SLCO1C1: variants seen among roughly 807,000 people sequenced by gnomAD.
SLCO1C1 encodes the protein OAT-RP-5.
SLCO1C1 carries 70 observed loss-of-function variants against 76.4 expected under a neutral mutation model. That is an observed-to-expected ratio of 0.92 (90% CI 0.76 to 1.12). The LOEUF (loss-of-function observed/expected upper bound fraction) is 1.12, where lower values mean the gene tolerates loss of function less well. Ranked by LOEUF, SLCO1C1 falls within the 50% of genes most tolerant of loss-of-function variation. SLCO1C1 has a pLI of 0.00. For missense variants in SLCO1C1, 912 were observed against 823.8 expected (o/e 1.11, Z -1.31); for synonymous variants, 306 against 286.1 (o/e 1.07, Z -0.70).
At chr12:20,701,276 C>G (rs370761629) in intron 2 of SLCO1C1, 42 bp from the exon 3 acceptor site, 1 of 1,421,738 alleles carries the variant, frequency 7.0e-7, no homozygotes, top group Non-Finnish European at 9.3e-7. Flanking sequence ...AATTGTGTGT[C>G]AAGCTGGAGT....
At chr12:20,711,145 T>C (rs1448046418) in intron 4 of SLCO1C1, among the ~76,000 whole-genome samples, 2 of 152,218 alleles carry the variant, frequency 1.3e-5, no homozygotes, top group East Asian at 1.9e-4. Flanking sequence ...CAAGGCCATC[T>C]TGGGCCACAT....
At chr12:20,705,913 T>A (rs1175822014) in intron 3 of SLCO1C1, 36 bp from the exon 4 acceptor site, 1 of 1,604,322 alleles carries the variant, frequency 6.2e-7, no homozygotes, top group South Asian at 1.1e-5. Flanking sequence ...CTTTCTAAGT[T>A]CTCTAATTTA....
chr12:20,719,666 A>G (rs929201138), intron 7 of SLCO1C1, among the ~76,000 whole-genome samples: 2 of 152,212 alleles, frequency 1.3e-5, no homozygotes, highest in African/African-American at 4.8e-5. Context: ...ATTCAGAACA[A>G]GGCCTAACCC....
At chr12:20,721,756 T>C (rs1228523626) in intron 7 of SLCO1C1, 48 bp from the exon 8 acceptor site, 3 of 1,587,270 alleles carry the variant, frequency 1.9e-6, no homozygotes, top group Middle Eastern at 1.7e-4. Context: ...TATTTTAACA[T>C]ATTAGCTTTG....
intron 1 of SLCO1C1, among the ~76,000 whole-genome samples, chr12:20,698,339 A>G (rs1340047753): frequency 6.6e-6 from 1 of 152,066 alleles, no homozygotes; most frequent in Non-Finnish European, 1.5e-5. Context: ...AAAGCCTAAT[A>G]ATAATTTTTT....
In SLCO1C1 at chr12:20,701,337, C is replaced by G. The variant is rs1946516712; in HGVS notation, c.149C>G (p.Ser50Cys). ...GELKVFLCAL[S>C]FVYFAKALAE... Reference sequence around the variant, plus strand: ...TTCCAGGTGTTCTTGTGTGCCTTGTCTTTTGTTTACTTTGCCAAAGCATTG... The same window carrying G: ...TTCCAGGTGTTCTTGTGTGCCTTGTGTTTTGTTTACTTTGCCAAAGCATTG... The change falls in exon 3 of 15, where the codon TCT becomes TGT. Residue 50 changes from serine to cysteine, a missense_variant. Transcript: ENST00000266509. 1.3e-6 allele frequency: 2 copies of G among 1,534,134 alleles called. No homozygotes were observed. Among genetic ancestry groups the G allele is most frequent in the East Asian group, 2.3e-5 (1 of 43,172 alleles).
intron 8 of SLCO1C1, among the ~76,000 whole-genome samples, chr12:20,722,860 T>C (rs1247012103): frequency 6.6e-6 from 1 of 152,190 alleles, no homozygotes; most frequent in East Asian, 1.9e-4. Flanking sequence ...TAATCTATAC[T>C]GCATGTCTGT....
intron 1 of SLCO1C1, among the ~76,000 whole-genome samples, chr12:20,699,315 T>C (rs1946408847): frequency 6.6e-6 from 1 of 151,974 alleles, no homozygotes; most frequent in Non-Finnish European, 1.5e-5. Flanking sequence ...TTTGCCATAA[T>C]GAGGCTTAAA....
intron 11 of SLCO1C1, 145 bp downstream of exon 11, chr12:20,737,417 T>C (rs1231144078): frequency 3.1e-5 from 25 of 816,254 alleles, no homozygotes; most frequent in Non-Finnish European, 4.4e-5. Flanking sequence ...AAAGAAAATG[T>C]TATAACCATT....
At chr12:20,743,011 G>A (rs1235601759) in intron 12 of SLCO1C1, among the ~76,000 whole-genome samples, 1 of 152,004 alleles carries the variant, frequency 6.6e-6, no homozygotes, top group African/African-American at 2.4e-5. Flanking sequence ...GTTTTATTCT[G>A]AATCTTTGCT....
chr12:20,718,269 A>G (rs1262888203), intron 7 of SLCO1C1, among the ~76,000 whole-genome samples: 2 of 152,196 alleles, frequency 1.3e-5, no homozygotes, highest in African/African-American at 4.8e-5. Context: ...AGTATAATGC[A>G]GTGGCAGTTG....
intron 1 of SLCO1C1, among the ~76,000 whole-genome samples, chr12:20,698,619 AT>A (rs1946376037): frequency 6.6e-6 from 1 of 152,044 alleles, no homozygotes; most frequent in Non-Finnish European, 1.5e-5. Context: ...AATACATGAA[AT>A]TTGACTCCTA....
intron 7 of SLCO1C1, among the ~76,000 whole-genome samples, chr12:20,718,289 G>A (rs1056689758): frequency 6.6e-6 from 1 of 152,164 alleles, no homozygotes; most frequent in Non-Finnish European, 1.5e-5. Flanking sequence ...GAGCCTACTT[G>A]TCAAGGGCCA....
intron 5 of SLCO1C1, among the ~76,000 whole-genome samples, chr12:20,714,565 A>G (rs185136455): frequency 1.1e-3 from 175 of 152,306 alleles, no homozygotes; most frequent in Non-Finnish European, 2.0e-3. Context: ...TTTTATGTAA[A>G]TTTGTTTCCA....
chr12:20,726,280 T>C (rs560914476), intron 9 of SLCO1C1, among the ~76,000 whole-genome samples: 62 of 151,754 alleles, frequency 4.1e-4, no homozygotes, highest in African/African-American at 1.4e-3. Context: ...GGCTATGGGA[T>C]AATGATCTTC....
chr12:20,700,351 A>G (rs1209127092), intron 2 of SLCO1C1: 7 of 151,932 alleles, frequency 4.6e-5, no homozygotes, highest in African/African-American at 1.4e-4. Flanking sequence ...CCTGTTGGCC[A>G]TGCCTTCTTT....
At chr12:20,731,748 C>A (rs1206684687) in intron 9 of SLCO1C1, among the ~76,000 whole-genome samples, 1 of 152,202 alleles carries the variant, frequency 6.6e-6, no homozygotes, top group African/African-American at 2.4e-5. Context: ...TACAATCCAA[C>A]AAATGGCACC....
intron 14 of SLCO1C1, 30 bp downstream of exon 14, chr12:20,750,822 A>T (rs776285442): frequency 5.6e-6 from 9 of 1,613,686 alleles, no homozygotes; most frequent in African/African-American, 2.7e-5. Context: ...CCCGCATCTC[A>T]TTGCTACAGC....
At chr12:20,713,837 A>T (rs1335385741) in intron 5 of SLCO1C1, among the ~76,000 whole-genome samples, 1 of 152,250 alleles carries the variant, frequency 6.6e-6, no homozygotes, top group Non-Finnish European at 1.5e-5. Flanking sequence ...TTCAATTTTA[A>T]TAGTCACATG....
Sources: gnomAD v4.1 joint callset for allele counts (sites outside exome capture counted in the v4.1 genomes callset) on GRCh38, gnomAD v4.1.1 for gene constraint, MANE v1.5 for transcripts, NCBI Gene and HGNC (gene_info 2026-07-23, HGNC 2026-07-21) for gene names.